Variants in LAG3 observed in about 807,000 individuals in gnomAD.
The protein encoded by LAG3 is lymphocyte activation gene 3 protein.
Under a neutral mutation model 49.0 loss-of-function variants are expected in LAG3, and 29 were observed. The observed-to-expected ratio is 0.59, with a 90% CI of 0.44 to 0.81. The LOEUF (loss-of-function observed/expected upper bound fraction) is 0.81, where lower values mean the gene tolerates loss of function less well. LAG3 is among the 30% of genes least tolerant of loss of function. The probability of loss-of-function intolerance (pLI) is 0.00; values close to 1 mark genes in which losing one functional copy is unlikely to be tolerated. For synonymous variants in LAG3, 320 were observed against 297.3 expected, an observed-to-expected ratio of 1.08 and a Z score of -0.79; for missense variants, 693 against 695.2, an observed-to-expected ratio of 1.00 and a Z score of 0.04.
chr12:6,775,295 G>T lies in LAG3; in HGVS notation c.804G>T (p.Leu268Phe). 2 of 1,614,136 alleles carry T rather than the reference G, an allele frequency of 1.2e-6. No individual in the cohort carries two copies. Among genetic ancestry groups the T allele is most frequent in the Non-Finnish European group, 1.7e-6 (2 of 1,180,016 alleles). ...TVLGLEPPTP[L>F]TVYAGAGSRV... ...CAGGTCTGGAGCCCCCAACTCCCTT[G>T]ACAGTGTACGCTGGAGCAGGTTCCA... is the stretch of plus-strand genomic sequence containing the variant. The change falls in exon 5 of 8, where the codon TTG (leucine) becomes TTT (phenylalanine). Residue 268 changes from leucine (L) to phenylalanine (F), a missense_variant. By Grantham distance (22) the Leu-to-Phe change is conservative (BLOSUM62 0). Transcript: ENST00000203629.
Position 6,778,352 on chromosome 12 carries a change from C to T in LAG3, c.1540C>T (p.Pro514Ser). 6.2e-7 allele frequency: 1 copy of T among 1,612,886 alleles called. No homozygotes were observed. Among genetic ancestry groups the T allele is most frequent in the Non-Finnish European group, 8.5e-7 (1 of 1,179,864 alleles). ...ACCGGAGCCGGAGCCGGAGCCGGAA[C>T]CGGAGCCCGAGCCCGAGCCCGAGCC... ...QEPEPEPEPE[P>S]EPEPEPEPEQ... Residue 514 changes from proline (P) to serine (S), a missense_variant, in exon 8 of 8, where the codon CCG (proline) becomes TCG (serine). Coordinates refer to ENST00000203629, the MANE Select transcript of LAG3 (RefSeq NM_002286.6).
rs1394582059 is a variant in LAG3, at chr12:6,777,776, G to A, written c.1301-15G>A. On this transcript the variant is annotated splice_polypyrimidine_tract_variant and intron_variant, in intron 6 of 7. Transcript: ENST00000203629. ...TAGTCCTGACCCTATGCCTCATCCTGTACTTTCTCCATAGGTGCCCAACGC... is the reference window on the plus strand; with the variant it reads ...TAGTCCTGACCCTATGCCTCATCCTATACTTTCTCCATAGGTGCCCAACGC... 6.2e-7 allele frequency: 1 copy of A among 1,613,670 alleles called. No individual in the cohort carries two copies. The highest frequency in any genetic ancestry group is 8.5e-7 in the Non-Finnish European group (1 of 1,179,854).
At chr12:6,777,579 G>T in intron 6 of LAG3, 73 bp downstream of exon 6, 1 of 1,550,872 alleles carries the variant, frequency 6.4e-7, no homozygotes, top group Non-Finnish European at 8.7e-7. Context: ...AACAGCCCCT[G>T]CCACCCCCAT....
At position 6,773,911 on chromosome 12, in the gene LAG3, C is replaced by A. The variant is rs1941873218; in HGVS notation, c.421C>A (p.Arg141Ser). The A allele has an allele frequency of 2.2e-6, 3 of 1,381,300 alleles. No individual in the cohort carries two copies. Among genetic ancestry groups the A allele is most frequent in the African/African-American group, 1.5e-5 (1 of 65,708 alleles). 85.6% of individuals were successfully genotyped at this position (1,381,300 alleles called of 1,614,324 possible). A position where few individuals can be genotyped will look rare whatever the true frequency, so the allele number is the denominator to read the frequency against. ...CTCGCTATGGCTGCGCCCAGCCCGG[C>A]GCGCGGACGCCGGCGAGTACCGCGC... The part of the protein sequence containing the change: ...DFSLWLRPAR[R>S]ADAGEYRAAV... Residue 141 changes from arginine (R) to serine (S), a missense_variant, in exon 3 of 8, where the codon CGC becomes AGC. Transcript: ENST00000203629. This position sits in a 1 kb window ranked among gnomAD's most constrained non-coding sequence, Gnocchi z 5.5.
In LAG3 at chr12:6,773,259, C is replaced by T. The variant is rs1176260495; in HGVS notation, c.126C>T (p.Leu42=). 6 of 1,613,388 alleles carry T rather than the reference C, an allele frequency of 3.7e-6. No individual in the cohort carries two copies. The highest frequency in any genetic ancestry group is 4.2e-6 in the Non-Finnish European group (5 of 1,179,718). ...CCCAGGAGGGGGCTCCTGCCCAGCTCCCCTGCAGCCCCACAATCCCCCTCC... is the reference window on the plus strand; with the variant it reads ...CCCAGGAGGGGGCTCCTGCCCAGCTTCCCTGCAGCCCCACAATCCCCCTCC... ...VWAQEGAPAQ[L]PCSPTIPLQD... is the part of the protein sequence containing the mutation. Residue 42 remains leucine, a synonymous_variant, in exon 2 of 8, where the codon CTC becomes CTT. Coordinates refer to ENST00000203629, the MANE Select transcript of LAG3 (RefSeq NM_002286.6). The surrounding 1 kb of genome is among the most constrained non-coding windows in gnomAD (Gnocchi z 5.5).
chr12:6,774,648 T>G lies in LAG3; in HGVS notation c.565T>G (p.Cys189Gly), dbSNP rs779505493. 1 of 1,614,164 alleles carries G rather than the reference T, an allele frequency of 6.2e-7. No homozygotes were observed. Among genetic ancestry groups the G allele is most frequent in the South Asian group, 1.1e-5 (1 of 91,090 alleles). ...AGCCTCCGACTGGGTCATTTTGAAC[T>G]GCTCCTTCAGCCGCCCTGACCGCCC... ...LRASDWVILNCSFSRPDRPAS... is the reference protein window; with the variant it reads ...LRASDWVILNGSFSRPDRPAS... Residue 189 changes from cysteine to glycine, a missense_variant, in exon 4 of 8, where the codon TGC becomes GGC. Cys to Gly is a radical substitution (Grantham distance 159, BLOSUM62 -3). Transcript: ENST00000203629.
chr12:6,775,488 T>C lies in LAG3; in HGVS notation c.997T>C (p.Cys333Arg). 1 of 1,614,234 alleles carries C rather than the reference T, an allele frequency of 6.2e-7. No individual in the cohort carries two copies. The highest frequency in any genetic ancestry group is 8.5e-7 in the Non-Finnish European group (1 of 1,180,038). ...VSQAQAGTYT[C>R]HIHLQEQQLN... ...CCAGGCCCAGGCTGGGACCTACACC[T>C]GCCATATCCATCTGCAGGAACAGCA... The change falls in exon 5 of 8, where the codon TGC (cysteine) becomes CGC (arginine). Residue 333 changes from cysteine to arginine, a missense_variant. Cys to Arg is a radical substitution (Grantham distance 180). Transcript: ENST00000203629.
Position 6,777,254 on chromosome 12 carries a change from C to T in LAG3, c.1058-10C>T, listed in dbSNP as rs1592497556. ...AATCCCAAAAGATCTCTTCCTTCTA[C>T]TCTTTTCAGTGACTCCCAAATCCTT... On this transcript the variant is annotated splice_polypyrimidine_tract_variant and intron_variant, in intron 5 of 7. Transcript: ENST00000203629. 1.9e-6 allele frequency: 3 copies of T among 1,614,124 alleles called. No homozygotes were observed. The highest frequency in any genetic ancestry group is 4.5e-5 in the East Asian group (2 of 44,890).
At chr12:6,777,558 CCTCCTT>C (rs776753102) in intron 6 of LAG3, 52 bp downstream of exon 6, 30 of 1,590,330 alleles carry the variant, frequency 1.9e-5, no homozygotes, top group Non-Finnish European at 2.6e-5. Context: ...TAATCTTTAT[CCTCCTT>C]CCAGAACAGC....
chr12:6,775,362 C>A lies in LAG3; in HGVS notation c.871C>A (p.Arg291=), dbSNP rs374956914. ...CCGCCTGCCTGCTGGTGTGGGGACC[C>A]GGTCTTTCCTCACTGCCAAGTGGAC... ...PCRLPAGVGT[R]SFLTAKWTPP... Residue 291 remains arginine, a synonymous_variant, in exon 5 of 8, where the codon CGG becomes AGG. Transcript: ENST00000203629. 27 of 1,614,102 alleles carry A rather than the reference C, an allele frequency of 1.7e-5. No individual in the cohort carries two copies. The highest frequency in any genetic ancestry group is 2.1e-5 in the Non-Finnish European group (25 of 1,180,042).
rs533622367 is a variant in LAG3, at chr12:6,773,068, G to C, written c.59-124G>C. 2,205 of 1,403,058 alleles carry C rather than the reference G, an allele frequency of 1.6e-3. No individual in the cohort carries two copies. Among genetic ancestry groups the C allele is most frequent in the South Asian group, 1.8e-3 (138 of 76,048 alleles). 86.9% of individuals were successfully genotyped at this position (1,403,058 alleles called of 1,614,324 possible). A position where few individuals can be genotyped will look rare whatever the true frequency, so the allele number is the denominator to read the frequency against. On this transcript the variant is annotated intron_variant, in intron 1 of 7. Coordinates refer to ENST00000203629, the MANE Select transcript of LAG3 (RefSeq NM_002286.6). The surrounding 1 kb of genome is among the most constrained non-coding windows in gnomAD (Gnocchi z 5.5). Reference sequence around the variant, plus strand: ...CACCCCGAAAGCCTCTCTGGGCAGAGAAGAAACAGAAACCCAAGTTCTTCC... The same window carrying C: ...CACCCCGAAAGCCTCTCTGGGCAGACAAGAAACAGAAACCCAAGTTCTTCC...
In LAG3 at chr12:6,775,419, A is replaced by C; in HGVS notation, c.928A>C (p.Thr310Pro). ...TGGGGGAGGCCCTGACCTCCTGGTG[A>C]CTGGAGACAATGGCGACTTTACCCT... ...PPGGGPDLLV[T>P]GDNGDFTLRL... The change falls in exon 5 of 8, where the codon ACT (threonine) becomes CCT (proline). Residue 310 changes from threonine to proline, a missense_variant. Thr to Pro is a conservative substitution (Grantham distance 38, BLOSUM62 -1). Coordinates refer to ENST00000203629, the MANE Select transcript of LAG3 (RefSeq NM_002286.6). 3.7e-6 allele frequency: 6 copies of C among 1,614,162 alleles called. No individual in the cohort carries two copies. The highest frequency in any genetic ancestry group is 5.1e-6 in the Non-Finnish European group (6 of 1,180,024).
At position 6,773,161 on chromosome 12, in the gene LAG3, C is replaced by T. The variant is rs568973723; in HGVS notation, c.59-31C>T. Reference sequence around the variant, plus strand: ...TACCCCTGCCTCTCGGCTCACGCCCCCTCCCCTTGGCCTCTCTTTTGCTCA... The same window carrying T: ...TACCCCTGCCTCTCGGCTCACGCCCTCTCCCCTTGGCCTCTCTTTTGCTCA... On this transcript the variant is annotated intron_variant, in intron 1 of 7. Transcript: ENST00000203629. The surrounding 1 kb of genome is among the most constrained non-coding windows in gnomAD (Gnocchi z 5.5). 6.3e-6 allele frequency: 10 copies of T among 1,589,666 alleles called. No individual in the cohort carries two copies. Among genetic ancestry groups the T allele is most frequent in the South Asian group, 4.5e-5 (4 of 88,352 alleles).
rs201785553 is a variant in LAG3 at position 6,772,831 on chromosome 12, C to T, written c.-22C>T. The stretch of plus-strand genomic sequence containing the variant: ...TCTGACCTCCTTTTGGAGGGCTCAG[C>T]GCTGCCCAGACCATAGGAGAGATGT... On this transcript the variant is annotated 5_prime_UTR_variant, in exon 1 of 8. Coordinates refer to ENST00000203629, the MANE Select transcript of LAG3 (RefSeq NM_002286.6). The T allele has an allele frequency of 1.4e-4, 219 of 1,572,550 alleles. 1 individual carries two copies. In the African/African-American group the frequency reaches 2.1e-3, roughly 15 times the overall value.
Position 6,773,736 on chromosome 12 carries a change from C to A in LAG3, c.246C>A (p.Pro82=). 7.5e-7 allele frequency: 1 copy of A among 1,334,820 alleles called. No homozygotes were observed. Among genetic ancestry groups the A allele is most frequent in the East Asian group, 3.0e-5 (1 of 32,974 alleles). The allele number at this position is 1,334,820 out of a possible 1,614,324, so 82.7% of individuals were successfully genotyped here. The part of the protein sequence containing the change: ...PAAAPGHPLA[P]GPHPAAPSSW... Reference sequence around the variant, plus strand: ...CCGCCCCCGGCCATCCCCTGGCCCCCGGCCCTCACCCGGCGGCGCCCTCCT... The same window carrying A: ...CCGCCCCCGGCCATCCCCTGGCCCCAGGCCCTCACCCGGCGGCGCCCTCCT... The change falls in exon 3 of 8, where the codon CCC becomes CCA. Residue 82 remains proline (P), a synonymous_variant. Transcript: ENST00000203629. This position sits in a 1 kb window ranked among gnomAD's most constrained non-coding sequence, Gnocchi z 5.5.
intron 5 of LAG3, among the ~76,000 whole-genome samples, chr12:6,776,474 G>A (rs193169923): frequency 2.0e-5 from 3 of 152,220 alleles, no homozygotes; most frequent in East Asian, 1.9e-4. Context: ...CTGTTACCCC[G>A]AAGACTTTCT....
chr12:6,773,049 G>A lies in LAG3; in HGVS notation c.58+139G>A. On this transcript the variant is annotated intron_variant, in intron 1 of 7. Transcript: ENST00000203629. The surrounding 1 kb of genome is among the most constrained non-coding windows in gnomAD (Gnocchi z 5.5). ...CTTTTTTGGGCAGTCCTTCCACCCC[G>A]AAAGCCTCTCTGGGCAGAGAAGAAA... The A allele has an allele frequency of 5.1e-6, 7 of 1,375,568 alleles. No individual in the cohort carries two copies. Among genetic ancestry groups the A allele is most frequent in the South Asian group, 2.6e-5 (2 of 78,288 alleles). The allele number at this position is 1,375,568 out of a possible 1,614,324, so 85.2% of individuals were successfully genotyped here.
Position 6,775,563 on chromosome 12 carries a change from G to A in LAG3, c.1057+15G>A. ...AATCATCACAGGTCAGCCTCAGGTG[G>A]GAAAGGAGTAGCTGCCCTCCCAGGG... is the stretch of plus-strand genomic sequence containing the variant. On this transcript the variant is annotated intron_variant, in intron 5 of 7. Transcript: ENST00000203629. The A allele has an allele frequency of 6.2e-7, 1 of 1,612,810 alleles. No homozygotes were observed. Among genetic ancestry groups the A allele is most frequent in the African/African-American group, 1.3e-5 (1 of 75,040 alleles).
intron 7 of LAG3, 60 bp from the exon 8 acceptor site, chr12:6,778,184 G>T: frequency 6.7e-7 from 1 of 1,490,366 alleles, no homozygotes. Flanking sequence ...CTCCTCATCC[G>T]CTTCCCTTCA....
Sources: gnomAD v4.1 joint callset for allele counts (sites outside exome capture counted in the v4.1 genomes callset) on GRCh38, gnomAD v4.1.1 for gene constraint, Gnocchi (gnomAD v3.1) non-coding constraint, MANE v1.5 for transcripts, NCBI Gene and HGNC (gene_info 2026-07-23, HGNC 2026-07-21) for gene names.